NUP85: variants seen among roughly 807,000 people sequenced by gnomAD.
NUP85 encodes the protein nuclear pore complex protein Nup85.
NUP85 carries 23 observed loss-of-function variants against 92.8 expected under a neutral mutation model. The observed-to-expected ratio is 0.25, with a 90% CI of 0.18 to 0.35. NUP85 has a LOEUF of 0.35. Ranked by LOEUF, NUP85 falls within the 10% of genes least tolerant of loss-of-function variation. The pLI, the probability that NUP85 is intolerant of heterozygous loss-of-function variation, is 1.00. For synonymous variants in NUP85, 314 were observed against 306.9 expected (o/e 1.02, Z -0.24); for missense variants, 759 against 822.8 (o/e 0.92, Z 0.95).
chr17:75,223,512 C>T (rs1264029455), intron 7 of NUP85, among the ~76,000 whole-genome samples: 7 of 151,986 alleles, frequency 4.6e-5, no homozygotes, highest in Non-Finnish European at 8.8e-5. Flanking sequence ...CTCAGCCTCC[C>T]GAGTAGCTGG....
chr17:75,217,259 T>C (rs2075458898), intron 6 of NUP85, among the ~76,000 whole-genome samples: 1 of 150,950 alleles, frequency 6.6e-6, no homozygotes, highest in Non-Finnish European at 1.5e-5. Context: ...GAAATTTCGC[T>C]ATGTTGCCCG....
intron 17 of NUP85, 115 bp from the exon 18 acceptor site, chr17:75,234,984 AC>A: frequency 2.9e-6 from 3 of 1,045,788 alleles, no homozygotes; most frequent in Non-Finnish European, 3.0e-6. Flanking sequence ...GTATTCGTAT[AC>A]AAAGCACACT....
At position 75,212,080 on chromosome 17, in the gene NUP85, G is replaced by A. The variant is rs201110570; in HGVS notation, c.361+18G>A. Reference sequence around the variant, plus strand: ...GGTTGCAAGTAAGGACTGTGTGCGCGTGCGCGCGTGTGTGTGTGTGTGTGT... The same window carrying A: ...GGTTGCAAGTAAGGACTGTGTGCGCATGCGCGCGTGTGTGTGTGTGTGTGT... On this transcript the variant is annotated intron_variant, in intron 4 of 18. Coordinates refer to ENST00000245544, the MANE Select transcript of NUP85 (RefSeq NM_024844.5). 9.5e-5 allele frequency: 120 copies of A among 1,261,272 alleles called. No individual in the cohort carries two copies. In the Middle Eastern group the frequency reaches 2.2e-3, roughly 24 times the overall value. The allele number at this position is 1,261,272 out of a possible 1,614,324, so 78.1% of individuals were successfully genotyped here.
At chr17:75,228,579 A>G in intron 11 of NUP85, 2 of 985,442 alleles carry the variant, frequency 2.0e-6, no homozygotes, top group South Asian at 4.7e-5. Flanking sequence ...TCTTGTGGGC[A>G]CTTGTTTTCT....
chr17:75,216,778 C>T (rs2075445781), intron 6 of NUP85, among the ~76,000 whole-genome samples: 1 of 152,170 alleles, frequency 6.6e-6, no homozygotes, highest in Admixed American at 6.5e-5. Context: ...GTTCAGAGGC[C>T]TCCCTTCTCC....
chr17:75,230,552 G>T (rs1009276040), intron 11 of NUP85, among the ~76,000 whole-genome samples: 1 of 151,958 alleles, frequency 6.6e-6, no homozygotes, highest in African/African-American at 2.4e-5. Context: ...GTAGAGATGG[G>T]GTTTCACCGT....
intron 11 of NUP85, chr17:75,229,040 G>T (rs758856973): frequency 3.7e-5 from 36 of 985,364 alleles, no homozygotes; most frequent in Non-Finnish European, 4.2e-5. Flanking sequence ...CTGGCAAGAG[G>T]AAACAGCTGG....
chr17:75,208,476 T>A, intron 1 of NUP85, 51 bp from the exon 2 acceptor site: 1 of 916,530 alleles, frequency 1.1e-6, no homozygotes, highest in Non-Finnish European at 1.8e-6. Flanking sequence ...TGGAACAACT[T>A]CAGTAAGAAG....
In NUP85 at chr17:75,211,150, G is replaced by A. The variant is rs564416875; in HGVS notation, c.291-842G>A. Among the ~76,000 whole-genome samples the A allele has an allele frequency of 2.7e-5, 4 of 150,202 alleles. No individual in the cohort carries two copies. The East Asian group carries it at 6.0e-4, about 23-fold the overall frequency. On this transcript the variant is annotated intron_variant, in intron 3 of 18. Transcript: ENST00000245544. The stretch of plus-strand genomic sequence containing the variant: ...CCTGAGTAGCTGGGATTACAGGTGC[G>A]TGCCACCACGCCTGGCTAATTTTTG...
At chr17:75,212,262 T>TTTTG in intron 4 of NUP85, among the ~76,000 whole-genome samples, 200 bp downstream of exon 4, 1 of 7,886 alleles carries the variant, frequency 1.3e-4, no homozygotes, top group African/African-American at 2.4e-4. Context: ...TTTTTTTTTT[T>TTTTG]TTTTTTTTTT....
At chr17:75,235,222 G>C in intron 18 of NUP85, 21 bp downstream of exon 18, 3 of 1,583,556 alleles carry the variant, frequency 1.9e-6, no homozygotes, top group Non-Finnish European at 2.6e-6. Flanking sequence ...CTTTTGGGTT[G>C]ATGGTTCCAC....
Position 75,235,712 on chromosome 17 carries a change from A to G in NUP85, c.*33A>G, listed in dbSNP as rs1204112174. The G allele has an allele frequency of 7.2e-7, 1 of 1,387,700 alleles. No individual in the cohort carries two copies. Among genetic ancestry groups the G allele is most frequent in the South Asian group, 1.2e-5 (1 of 83,070 alleles). 86.0% of individuals were successfully genotyped at this position (1,387,700 alleles called of 1,614,324 possible). The stretch of plus-strand genomic sequence containing the variant: ...TTCAATGTGGTATCTTTGTATGGCA[A>G]TGTATATAGATTTTTTTAAAAGAAT... On this transcript the variant is annotated 3_prime_UTR_variant, in exon 19 of 19. Coordinates refer to ENST00000245544, the MANE Select transcript of NUP85 (RefSeq NM_024844.5).
intron 16 of NUP85, among the ~76,000 whole-genome samples, chr17:75,234,034 A>G (rs2076216005): frequency 7.0e-6 from 1 of 141,860 alleles, no homozygotes; most frequent in African/African-American, 2.6e-5. Flanking sequence ...GTGCCTGGCC[A>G]GTGCCTCCAT....
Position 75,209,929 on chromosome 17 carries a change from C to T in NUP85, c.234C>T (p.Ile78=). ...AACTCTTCAATGAATCCCATGGAAT[C>T]TTTCTGGGCCTCCAGAGAATTGACG... ...LRKLFNESHG[I]FLGLQRIDEE... is the part of the protein sequence containing the mutation. The change falls in exon 3 of 19, where the codon ATC becomes ATT. Residue 78 remains isoleucine (I), a synonymous_variant. Coordinates refer to ENST00000245544, the MANE Select transcript of NUP85 (RefSeq NM_024844.5). 6.3e-7 allele frequency: 1 copy of T among 1,583,126 alleles called. No homozygotes were observed. Among genetic ancestry groups the T allele is most frequent in the Non-Finnish European group, 8.5e-7 (1 of 1,172,348 alleles).
At chr17:75,225,993 C>T (rs2075779525) in intron 10 of NUP85, 58 bp from the exon 11 acceptor site, 7 of 1,607,088 alleles carry the variant, frequency 4.4e-6, no homozygotes, top group South Asian at 3.3e-5. Flanking sequence ...AGCAGCCCTG[C>T]CTGCCCCGAG....
intron 11 of NUP85, among the ~76,000 whole-genome samples, chr17:75,230,140 C>T (rs2145396394): frequency 6.7e-6 from 1 of 150,204 alleles, no homozygotes; most frequent in African/African-American, 2.4e-5. Context: ...GCCTCCTGGG[C>T]TCAAGCGATC....
At position 75,225,351 on chromosome 17, in the gene NUP85, A is replaced by G. The variant is rs141178315; in HGVS notation, c.742A>G (p.Thr248Ala). ...RTMPILSPGNTQTLTELELKW... is the reference protein window; with the variant it reads ...RTMPILSPGNAQTLTELELKW... ...CTGGTCTCTCCCTTAGCCCGGGAAC[A>G]CCCAGACACTGACAGAGCTGGAGCT... Residue 248 changes from threonine (T) to alanine (A), a missense_variant, in exon 9 of 19, where the codon ACC (threonine) becomes GCC (alanine). By Grantham distance (58) the Thr-to-Ala change is moderately conservative. Coordinates refer to ENST00000245544, the MANE Select transcript of NUP85 (RefSeq NM_024844.5). 2.4e-3 allele frequency: 3,828 copies of G among 1,614,152 alleles called. 49 individuals carry two copies. The highest frequency in any genetic ancestry group is 0.023 in the South Asian group (2,093 of 91,082).
intron 11 of NUP85, among the ~76,000 whole-genome samples, 191 bp downstream of exon 11, chr17:75,226,348 T>A (rs2075794613): frequency 6.6e-6 from 1 of 152,136 alleles, no homozygotes; most frequent in African/African-American, 2.4e-5. Context: ...TTTCTCACCG[T>A]TCTGGAGGCT....
At chr17:75,222,147 G>A (rs2075615001) in intron 7 of NUP85, among the ~76,000 whole-genome samples, 1 of 152,074 alleles carries the variant, frequency 6.6e-6, no homozygotes, top group Non-Finnish European at 1.5e-5. Context: ...AAGCTCAGGT[G>A]ATCCTCCCCT....
Sources: gnomAD v4.1 joint callset for allele counts (sites outside exome capture counted in the v4.1 genomes callset) on GRCh38, gnomAD v4.1.1 for gene constraint, MANE v1.5 for transcripts, NCBI Gene and HGNC (gene_info 2026-07-23, HGNC 2026-07-21) for gene names.